The following CHRM3 variants were observed in gnomAD, a reference collection of about 807,000 sequenced individuals.
The protein encoded by CHRM3 is muscarinic acetylcholine receptor M3.
CHRM3 carries 11 observed loss-of-function variants against 41.8 expected under a neutral mutation model. The observed-to-expected ratio is 0.26, with a 90% confidence interval of 0.17 to 0.44. CHRM3 has a LOEUF of 0.44. Ranked by LOEUF, CHRM3 falls within the 20% of genes least tolerant of loss-of-function variation. The pLI, the probability that CHRM3 is intolerant of heterozygous loss-of-function variation, is 1.00. For synonymous variants in CHRM3, 297 were observed against 301.4 expected (o/e 0.99, Z 0.15); for missense variants, 571 against 745.4 (o/e 0.77, Z 2.72).
chr1:239,474,571 T>C (rs2147961207), intron 1 of CHRM3, among the ~76,000 whole-genome samples: 1 of 152,248 alleles, frequency 6.6e-6, no homozygotes, highest in Non-Finnish European at 1.5e-5. Flanking sequence ...TTATGCTCAA[T>C]ACATACTAAT....
At chr1:239,399,665 G>A (rs200756190) in intron 1 of CHRM3, among the ~76,000 whole-genome samples, 3 of 152,042 alleles carry the variant, frequency 2.0e-5, no homozygotes, top group South Asian at 4.2e-4. Flanking sequence ...ATTTGGTTGC[G>A]GAGGAAGAAT....
At chr1:239,801,805 T>C (rs1416487194) in intron 5 of CHRM3, among the ~76,000 whole-genome samples, 1 of 152,144 alleles carries the variant, frequency 6.6e-6, no homozygotes, top group African/African-American at 2.4e-5. Flanking sequence ...GACCCAACTT[T>C]CAAGAAGCTT....
At chr1:239,449,886 C>A (rs1323082381) in intron 1 of CHRM3, among the ~76,000 whole-genome samples, 1 of 152,040 alleles carries the variant, frequency 6.6e-6, no homozygotes, top group Non-Finnish European at 1.5e-5. Flanking sequence ...GGAAGGTGAT[C>A]ACTTCAGCAA....
At chr1:239,645,677 G>A (rs561130451) in intron 4 of CHRM3, among the ~76,000 whole-genome samples, 11 of 152,210 alleles carry the variant, frequency 7.2e-5, no homozygotes, top group Non-Finnish European at 2.9e-5. Context: ...TTATAGAATA[G>A]TGTTTATATC....
chr1:239,807,147 T>C (rs1670722767), intron 5 of CHRM3, among the ~76,000 whole-genome samples: 1 of 152,206 alleles, frequency 6.6e-6, no homozygotes, highest in Admixed American at 6.5e-5. Flanking sequence ...AATAAGAACA[T>C]AAAAGAAATA....
At chr1:239,846,492 C>T (rs1674277276) in intron 6 of CHRM3, among the ~76,000 whole-genome samples, 1 of 152,088 alleles carries the variant, frequency 6.6e-6, no homozygotes, top group Admixed American at 6.6e-5. Flanking sequence ...ATAAAAAATA[C>T]AGTAGTACTT....
chr1:239,618,273 CTTTCTTTTTT>C (rs1667867511), intron 3 of CHRM3, among the ~76,000 whole-genome samples: 1 of 113,048 alleles, frequency 8.8e-6, no homozygotes, highest in Admixed American at 9.5e-5. Context: ...CTTTTTTTTT[CTTTCTTTTTT>C]TTTTTTTTTT....
chr1:239,469,513 A>G (rs1419000955), intron 1 of CHRM3, among the ~76,000 whole-genome samples: 1 of 152,210 alleles, frequency 6.6e-6, no homozygotes, highest in Non-Finnish European at 1.5e-5. Context: ...TGTGAGGGTT[A>G]TGTTTTAGAC....
chr1:239,674,338 T>G (rs1420891100), intron 4 of CHRM3, among the ~76,000 whole-genome samples: 2 of 152,282 alleles, frequency 1.3e-5, no homozygotes, highest in Admixed American at 6.5e-5. Context: ...TTTGCAAATG[T>G]CATCTTCATT....
intron 1 of CHRM3, among the ~76,000 whole-genome samples, chr1:239,465,269 A>G (rs928959955): frequency 1.3e-5 from 2 of 152,138 alleles, no homozygotes; most frequent in African/African-American, 4.8e-5. Flanking sequence ...GGTAACAAGG[A>G]GAACTTTCTG....
chr1:239,418,252 C>A (rs1356204994), intron 1 of CHRM3, among the ~76,000 whole-genome samples: 1 of 152,174 alleles, frequency 6.6e-6, no homozygotes. Flanking sequence ...ATTCTGCTGG[C>A]AGCTCATCTG....
intron 1 of CHRM3, among the ~76,000 whole-genome samples, chr1:239,412,571 A>T (rs1211938704): frequency 6.6e-6 from 1 of 151,392 alleles, no homozygotes; most frequent in Non-Finnish European, 1.5e-5. Flanking sequence ...TATCAGGAAG[A>T]TGAAATGAGT....
intron 4 of CHRM3, among the ~76,000 whole-genome samples, chr1:239,643,713 G>T (rs1671457998): frequency 6.6e-6 from 1 of 152,168 alleles, no homozygotes; most frequent in Non-Finnish European, 1.5e-5. Context: ...CTGACTCCTT[G>T]CGCTTCCCAA....
intron 1 of CHRM3, among the ~76,000 whole-genome samples, chr1:239,453,996 C>T (rs986663576): frequency 6.6e-6 from 1 of 152,164 alleles, no homozygotes; most frequent in African/African-American, 2.4e-5. Flanking sequence ...AATAAACTAA[C>T]AGTTTTATCC....
intron 2 of CHRM3, among the ~76,000 whole-genome samples, chr1:239,526,812 C>G (rs1007191690): frequency 6.6e-6 from 1 of 152,184 alleles, no homozygotes; most frequent in East Asian, 1.9e-4. Flanking sequence ...TCATTGCAAC[C>G]TTTTTCCATC....
At chr1:239,882,857 G>A (rs1030385034) in intron 6 of CHRM3, among the ~76,000 whole-genome samples, 1 of 152,202 alleles carries the variant, frequency 6.6e-6, no homozygotes, top group Non-Finnish European at 1.5e-5. Flanking sequence ...TGCCCAGCAC[G>A]CAGTGGGTGT....
At chr1:239,420,507 T>G (rs186442151) in intron 1 of CHRM3, among the ~76,000 whole-genome samples, 22 of 152,350 alleles carry the variant, frequency 1.4e-4, no homozygotes, top group Non-Finnish European at 4.4e-5. Flanking sequence ...CTGAGCTAGA[T>G]GTTCCTTGAG....
chr1:239,895,857 C>A lies in CHRM3; in HGVS notation c.-19-11576C>A, dbSNP rs147717091. On this transcript the variant is annotated intron_variant, in intron 6 of 6. Coordinates refer to ENST00000676153, the MANE Select transcript of CHRM3 (RefSeq NM_001375978.1). Reference sequence around the variant, plus strand: ...GGTGGAGGGAAAGGATTGAAAATCTCCTGTTGGGTACTATGCTCATTACAT... The same window carrying A: ...GGTGGAGGGAAAGGATTGAAAATCTACTGTTGGGTACTATGCTCATTACAT... Among the ~76,000 whole-genome samples, 596 of 152,136 alleles carry A rather than the reference C, an allele frequency of 3.9e-3. 8 individuals are homozygous for A. The highest frequency in any genetic ancestry group is 0.014 in the African/African-American group (566 of 41,482).
In CHRM3 at chr1:239,525,819, C is replaced by A. The variant is rs180939778; in HGVS notation, c.-421-19822C>A. On this transcript the variant is annotated intron_variant, in intron 2 of 6. Coordinates refer to ENST00000676153, the MANE Select transcript of CHRM3 (RefSeq NM_001375978.1). ...GGCATGTAGGCAAAAGATGTAAATG[C>A]TTTCCACAGCCTGTTGCTTCCCCAG... is the stretch of plus-strand genomic sequence containing the variant. Among the ~76,000 whole-genome samples, 6 of 152,300 alleles carry A rather than the reference C, an allele frequency of 3.9e-5. No homozygotes were observed. The East Asian group carries it at 1.2e-3, about 29-fold the overall frequency.
Sources: gnomAD v4.1 joint callset for allele counts (sites outside exome capture counted in the v4.1 genomes callset) on GRCh38, gnomAD v4.1.1 for gene constraint, MANE v1.5 for transcripts, NCBI Gene and HGNC (gene_info 2026-07-23, HGNC 2026-07-21) for gene names.